ERC2: variants seen among roughly 807,000 people sequenced by gnomAD.
The protein encoded by ERC2 is ELKS/RAB6-interacting/CAST family member 2.
ERC2 carries 42 observed loss-of-function variants against 114.8 expected under a neutral mutation model. The ratio of observed to expected loss-of-function variants is 0.37; its 90% CI spans 0.29 to 0.47. ERC2 has a LOEUF of 0.47. ERC2 is among the 20% of genes least tolerant of loss of function. ERC2 has a pLI of 0.99. For synonymous variants in ERC2, 454 were observed against 425.5 expected (o/e 1.07, Z -0.82); for missense variants, 939 against 1,150.7 (o/e 0.82, Z 2.66).
At chr3:56,389,545 T>A (rs1425671180) in intron 2 of ERC2, among the ~76,000 whole-genome samples, 1 of 152,152 alleles carries the variant, frequency 6.6e-6, no homozygotes, top group Admixed American at 6.6e-5. Context: ...GGGCCACACA[T>A]GGTCTTGTTA....
intron 17 of ERC2, among the ~76,000 whole-genome samples, chr3:55,603,433 C>T (rs554570450): frequency 8.5e-5 from 13 of 152,208 alleles, no homozygotes; most frequent in African/African-American, 2.9e-4. Context: ...GAGATTGAGA[C>T]CATCCTGGCT....
At chr3:56,227,944 A>T (rs1165119004) in intron 3 of ERC2, among the ~76,000 whole-genome samples, 1 of 152,220 alleles carries the variant, frequency 6.6e-6, no homozygotes, top group Non-Finnish European at 1.5e-5. Flanking sequence ...CAATAATAAA[A>T]CATAAGTTAC....
chr3:55,618,154 T>C (rs1002856568), intron 17 of ERC2, among the ~76,000 whole-genome samples: 9 of 152,122 alleles, frequency 5.9e-5, no homozygotes, highest in African/African-American at 1.9e-4. Context: ...TTGGTTGTTT[T>C]TGTTGGTTTG....
At chr3:55,561,049 T>C (rs1414554027) in intron 17 of ERC2, among the ~76,000 whole-genome samples, 2 of 151,802 alleles carry the variant, frequency 1.3e-5, no homozygotes, top group African/African-American at 4.8e-5. Flanking sequence ...CTCATCAATA[T>C]ATCGATGGCC....
At chr3:55,678,778 CCCA>C (rs1449748239) in intron 17 of ERC2, among the ~76,000 whole-genome samples, 1 of 152,150 alleles carries the variant, frequency 6.6e-6, no homozygotes, top group Non-Finnish European at 1.5e-5. Flanking sequence ...TCTCAGTGCC[CCCA>C]CCACCACCAA....
intron 15 of ERC2, among the ~76,000 whole-genome samples, chr3:55,714,671 A>G (rs1471042905): frequency 5.2e-3 from 30 of 5,808 alleles, no homozygotes; most frequent in African/African-American, 0.019. Context: ...GTGTGTGTAT[A>G]TATATATATA....
At chr3:55,870,904 T>C (rs1382859679) in intron 14 of ERC2, among the ~76,000 whole-genome samples, 1 of 152,224 alleles carries the variant, frequency 6.6e-6, no homozygotes, top group Non-Finnish European at 1.5e-5. Flanking sequence ...TTCAGATACC[T>C]TCTCTCCCTA....
At chr3:56,139,776 C>A (rs2080741787) in intron 5 of ERC2, 100 bp from the exon 6 acceptor site, 1 of 1,308,676 alleles carries the variant, frequency 7.6e-7, no homozygotes, top group African/African-American at 1.5e-5. Flanking sequence ...AGCCAGTGAT[C>A]AATAATCCAA....
intron 3 of ERC2, among the ~76,000 whole-genome samples, chr3:56,272,507 T>C (rs887761431): frequency 4.6e-5 from 7 of 152,254 alleles, no homozygotes; most frequent in Non-Finnish European, 8.8e-5. Context: ...CAGTGGCTCA[T>C]GCCTGTTATC....
rs1421853112 is a variant in ERC2 at position 55,834,832 on chromosome 3, A to G, written c.2564+53557T>C. ...AGGAGCTGGTTTTTTGAAAGGATCA[A>G]CAAAACTGATAGACCACTAGCAAGA... On this transcript the variant is annotated intron_variant, in intron 14 of 17. Transcript: ENST00000288221. Among the ~76,000 whole-genome samples, 4 of 132,746 alleles carry G rather than the reference A, an allele frequency of 3.0e-5. 1 individual carries two copies. Among genetic ancestry groups the G allele is most frequent in the Admixed American group, 2.9e-4 (4 of 13,798 alleles). The allele number at this position is 132,746 out of a possible 152,430, so 87.1% of individuals were successfully genotyped here.
chr3:56,286,769 TAA>T (rs11457394), intron 3 of ERC2, among the ~76,000 whole-genome samples: 7 of 146,444 alleles, frequency 4.8e-5, no homozygotes, highest in Admixed American at 1.4e-4. Flanking sequence ...CCAGGCCATT[TAA>T]AAAAAAAAAA....
chr3:55,797,179 A>AT (rs1457914949), intron 14 of ERC2, among the ~76,000 whole-genome samples: 3 of 152,198 alleles, frequency 2.0e-5, no homozygotes, highest in African/African-American at 4.8e-5. Flanking sequence ...CTCTCAAAAC[A>AT]TTTTTTATTG....
At chr3:55,769,218 A>C (rs2068029586) in intron 14 of ERC2, among the ~76,000 whole-genome samples, 1 of 152,182 alleles carries the variant, frequency 6.6e-6, no homozygotes, top group Non-Finnish European at 1.5e-5. Flanking sequence ...CTTAACATTA[A>C]AGAAGTCTGT....
chr3:56,065,095 T>C (rs2149714696), intron 7 of ERC2, among the ~76,000 whole-genome samples: 1 of 152,298 alleles, frequency 6.6e-6, no homozygotes, highest in Non-Finnish European at 1.5e-5. Context: ...TTTTAGGAAA[T>C]CTTAGGTATT....
chr3:56,048,010 C>T (rs1280442713), intron 7 of ERC2, among the ~76,000 whole-genome samples: 1 of 152,120 alleles, frequency 6.6e-6, no homozygotes, highest in Non-Finnish European at 1.5e-5. Context: ...TGGTGAATCC[C>T]TATGTAGTAC....
intron 14 of ERC2, among the ~76,000 whole-genome samples, chr3:55,783,320 A>G (rs928657373): frequency 6.6e-6 from 1 of 152,150 alleles, no homozygotes; most frequent in Non-Finnish European, 1.5e-5. Flanking sequence ...TTTCTCCATT[A>G]ATAAAAAGAA....
intron 17 of ERC2, among the ~76,000 whole-genome samples, chr3:55,532,185 G>T (rs759754893): frequency 5.3e-5 from 8 of 152,194 alleles, no homozygotes; most frequent in Admixed American, 2.6e-4. Context: ...GAAGACCATA[G>T]AGCTGACTTC....
chr3:56,417,712 G>T (rs904858512), intron 2 of ERC2, among the ~76,000 whole-genome samples: 1 of 152,148 alleles, frequency 6.6e-6, no homozygotes, highest in African/African-American at 2.4e-5. Context: ...TCCAAAGCTG[G>T]TGCTCTCGAC....
At chr3:55,950,674 A>T in intron 12 of ERC2, 114 bp from the exon 13 acceptor site, 1 of 1,124,114 alleles carries the variant, frequency 8.9e-7, no homozygotes, top group Admixed American at 2.1e-5. Context: ...CTTGGGAAAA[A>T]GATGATACTT....
Sources: allele counts gnomAD v4.1 joint callset (sites outside exome capture counted in the v4.1 genomes callset), GRCh38; gene constraint gnomAD v4.1.1; transcripts MANE v1.5; gene names NCBI Gene and HGNC (gene_info 2026-07-23, HGNC 2026-07-21).